WDFY4: variants seen among roughly 807,000 people sequenced by gnomAD.
WDFY4 encodes WDFY family member 4, also known as WD repeat- and FYVE domain-containing protein 4.
Under a neutral mutation model 351.9 loss-of-function variants are expected in WDFY4, and 169 were observed. That is an observed-to-expected ratio of 0.48 (90% CI 0.42 to 0.55). The LOEUF (loss-of-function observed/expected upper bound fraction) is 0.55. Ranked by LOEUF, WDFY4 falls within the 20% of genes least tolerant of loss-of-function variation. WDFY4 has a pLI of 0.00. For missense variants in WDFY4, 3,803 were observed against 3,935.6 expected, an observed-to-expected ratio of 0.97 and a Z score of 0.90; for synonymous variants, 1,622 against 1,574.6, an observed-to-expected ratio of 1.03 and a Z score of -0.71.
Position 48,787,864 on chromosome 10 carries a change from CTTCT to C in WDFY4, c.3809-660_3809-657del, listed in dbSNP as rs1565197917. 1.6e-5 allele frequency among the ~76,000 whole-genome samples: 2 copies of C among 126,426 alleles called. 1 individual carries two copies. Among genetic ancestry groups the C allele is most frequent in the Non-Finnish European group, 3.1e-5 (2 of 63,890 alleles). 82.9% of individuals were successfully genotyped at this position (126,426 alleles called of 152,430 possible). On this transcript the variant is annotated intron_variant, in intron 20 of 61. Coordinates refer to ENST00000325239, the MANE Select transcript of WDFY4 (RefSeq NM_001394531.1). ...CTTCTTCTTCTTCTTCTTCTTTCTT[CTTCT>C]TTCTTCTTTCTTTCTTCTTCTTCTC...
At chr10:48,698,958 C>T (rs1403292680) in intron 1 of WDFY4, among the ~76,000 whole-genome samples, 1 of 152,198 alleles carries the variant, frequency 6.6e-6, no homozygotes, top group Admixed American at 6.5e-5. Context: ...AATCAGTCCG[C>T]TGGCAACTCT....
In WDFY4 at chr10:48,700,919, A is replaced by G. The variant is rs1292009503; in HGVS notation, c.-17-8797A>G. Among the ~76,000 whole-genome samples the G allele has an allele frequency of 5.3e-5, 8 of 152,266 alleles. No homozygotes were observed. In the South Asian group the frequency reaches 1.3e-3, roughly 24 times the overall value. On this transcript the variant is annotated intron_variant, in intron 1 of 61. Transcript: ENST00000325239. ...ATAATTGTAGTACATACCACAATCTATAAGTAACATAACATAAGATTCACC... is the reference window on the plus strand; with the variant it reads ...ATAATTGTAGTACATACCACAATCTGTAAGTAACATAACATAAGATTCACC...
chr10:48,888,201 A>G (rs1184989111), intron 43 of WDFY4, among the ~76,000 whole-genome samples: 1 of 152,156 alleles, frequency 6.6e-6, no homozygotes, highest in Non-Finnish European at 1.5e-5. Flanking sequence ...CAGTTACTCA[A>G]GTCCCAAAGT....
intron 26 of WDFY4, 60 bp downstream of exon 26, chr10:48,805,481 G>A: frequency 6.6e-7 from 1 of 1,518,126 alleles, no homozygotes; most frequent in Non-Finnish European, 8.8e-7. Context: ...AAAAAGGGAG[G>A]ACAGACCCCA....
chr10:48,974,468 A>C (rs372287437), intron 57 of WDFY4, among the ~76,000 whole-genome samples: 1 of 131,554 alleles, frequency 7.6e-6, no homozygotes, highest in East Asian at 2.5e-4. Context: ...ATGCCATTGC[A>C]CTCCAGCCTA....
At chr10:48,922,518 T>G (rs888420679) in intron 47 of WDFY4, among the ~76,000 whole-genome samples, 14 of 152,250 alleles carry the variant, frequency 9.2e-5, no homozygotes, top group African/African-American at 3.4e-4. Context: ...GAACAGTAAA[T>G]TGTTGAAATT....
intron 11 of WDFY4, among the ~76,000 whole-genome samples, chr10:48,741,651 G>A (rs10857629): frequency 0.33 from 49,519 of 151,824 alleles, 8,727 homozygotes; most frequent in Non-Finnish European, 0.39. Context: ...CTGTTGCTTA[G>A]GCCATGCATT....
chr10:48,849,471 T>C (rs1231852936), intron 39 of WDFY4, among the ~76,000 whole-genome samples: 1 of 152,164 alleles, frequency 6.6e-6, no homozygotes, highest in African/African-American at 2.4e-5. Context: ...CCCCCAAAAT[T>C]ATTGTTTTTA....
chr10:48,780,165 C>T (rs941511885), intron 19 of WDFY4, 46 bp downstream of exon 19: 2 of 1,545,872 alleles, frequency 1.3e-6, no homozygotes, highest in Admixed American at 2.0e-5. Flanking sequence ...ACCATACCTC[C>T]TGCTACTACC....
At chr10:48,862,986 A>C (rs1003915961) in intron 39 of WDFY4, among the ~76,000 whole-genome samples, 1 of 152,186 alleles carries the variant, frequency 6.6e-6, no homozygotes, top group African/African-American at 2.4e-5. Flanking sequence ...TTCACTTAGG[A>C]TGTTGCTTTT....
At chr10:48,972,876 G>A (rs1054256847) in intron 57 of WDFY4, among the ~76,000 whole-genome samples, 2 of 152,158 alleles carry the variant, frequency 1.3e-5, no homozygotes, top group African/African-American at 4.8e-5. Flanking sequence ...CTATAGTTAG[G>A]TATAAAATGA....
At chr10:48,747,771 G>T (rs1333960090) in intron 12 of WDFY4, among the ~76,000 whole-genome samples, 3 of 152,044 alleles carry the variant, frequency 2.0e-5, no homozygotes, top group Non-Finnish European at 2.9e-5. Context: ...TCAAACACAA[G>T]AATCATAATT....
chr10:48,896,361 G>T (rs1015046540), intron 44 of WDFY4, among the ~76,000 whole-genome samples: 4 of 152,202 alleles, frequency 2.6e-5, no homozygotes, highest in African/African-American at 7.2e-5. Context: ...TACCACTATG[G>T]CCCCACTGGG....
intron 15 of WDFY4, 109 bp downstream of exon 15, chr10:48,775,915 G>A: frequency 9.8e-7 from 1 of 1,024,336 alleles, no homozygotes; most frequent in Non-Finnish European, 1.5e-6. Flanking sequence ...GTTTAAACAT[G>A]GTTTTGTCTG....
chr10:48,881,229 G>T (rs1162132721), intron 43 of WDFY4, among the ~76,000 whole-genome samples: 1 of 152,280 alleles, frequency 6.6e-6, no homozygotes, highest in Non-Finnish European at 1.5e-5. Flanking sequence ...GAAGTAAGAA[G>T]GGGCGTTGGA....
intron 10 of WDFY4, among the ~76,000 whole-genome samples, chr10:48,735,284 A>G (rs1409427309): frequency 6.6e-6 from 1 of 152,218 alleles, no homozygotes; most frequent in Non-Finnish European, 1.5e-5. Flanking sequence ...CTTTTAAACA[A>G]AAATATATCA....
At chr10:48,752,055 G>A (rs2065201407) in intron 12 of WDFY4, among the ~76,000 whole-genome samples, 1 of 152,180 alleles carries the variant, frequency 6.6e-6, no homozygotes, top group African/African-American at 2.4e-5. Context: ...GGTCCCTTGC[G>A]AGATACAAGC....
chr10:48,920,706 A>G (rs1838994839), intron 47 of WDFY4, among the ~76,000 whole-genome samples: 1 of 152,228 alleles, frequency 6.6e-6, no homozygotes, highest in Non-Finnish European at 1.5e-5. Context: ...ACAGAAAAGA[A>G]TGAAATAAAA....
At chr10:48,725,856 G>C (rs1265729798) in intron 5 of WDFY4, 25 bp from the exon 6 acceptor site, 6 of 1,528,248 alleles carry the variant, frequency 3.9e-6, no homozygotes, top group Non-Finnish European at 5.3e-6. Flanking sequence ...AGGTCTCCTT[G>C]ACTGTTTATC....
Sources: allele counts gnomAD v4.1 joint callset (sites outside exome capture counted in the v4.1 genomes callset), GRCh38; gene constraint gnomAD v4.1.1; transcripts MANE v1.5; gene names NCBI Gene and HGNC (gene_info 2026-07-23, HGNC 2026-07-21).